The following FANCB variants were observed in gnomAD, a reference collection of about 807,000 sequenced individuals.
FANCB encodes the protein Fanconi anemia group B protein.
Under a neutral mutation model 38.9 loss-of-function variants are expected in FANCB, and 5 were observed. That is an observed-to-expected ratio of 0.13 (90% CI 0.07 to 0.27). The LOEUF is 0.27. Ranked by LOEUF, FANCB falls within the 10% of genes least tolerant of loss-of-function variation. FANCB has a pLI of 1.00. For missense variants in FANCB, 573 were observed against 602.7 expected, an observed-to-expected ratio of 0.95 and a Z score of 0.52; for synonymous variants, 236 against 215.4, an observed-to-expected ratio of 1.10 and a Z score of -0.84.
the FANCB span, among the ~76,000 whole-genome samples, chrX:14,776,913 T>A: frequency 1.8e-5 from 2 of 111,720 alleles, no homozygotes; most frequent in South Asian, 7.5e-4. Flanking sequence ...TGTAAGGCAG[T>A]TGAGGTGTTG....
chrX:14,730,366 C>T, the FANCB span: 12 of 1,209,932 alleles, frequency 9.9e-6, no homozygotes, highest in Non-Finnish European at 1.3e-5. Flanking sequence ...GTTTGTGGAC[C>T]GGGCAAAAAG....
chrX:14,812,856 C>A, the FANCB span, among the ~76,000 whole-genome samples: 2 of 110,008 alleles, frequency 1.8e-5, no homozygotes, highest in East Asian at 2.8e-4. Context: ...GGCAGAGATA[C>A]AACCAAAAAA....
chrX:14,731,088 G>A, the FANCB span: 1 of 111,954 alleles, frequency 8.9e-6, no homozygotes, highest in Non-Finnish European at 1.9e-5. Flanking sequence ...TGTAATTAGT[G>A]TTTCACTTGA....
chrX:14,699,655 G>A, the FANCB span, among the ~76,000 whole-genome samples: 1 of 111,351 alleles, frequency 9.0e-6, no homozygotes, highest in Non-Finnish European at 1.9e-5. Flanking sequence ...TGCAATAGAA[G>A]ACCAGAACTT....
chrX:14,834,601 G>A, downstream of FANCB: 2 of 549,663 alleles, frequency 3.6e-6, no homozygotes, highest in Non-Finnish European at 6.3e-6. Context: ...ATGCTTGCTT[G>A]CATTTTTGCT....
the FANCB span, among the ~76,000 whole-genome samples, chrX:14,695,164 A>G: frequency 1.1e-3 from 118 of 111,773 alleles, 1 homozygote; most frequent in Admixed American, 1.3e-3. Context: ...AGAAACAAAA[A>G]AAAAAGCTCT....
rs769012280 is a variant in FANCB, at chrX:14,861,722, C to A, written c.952-2388G>T. On this transcript the variant is annotated intron_variant, in intron 3 of 9. Coordinates refer to ENST00000650831, the MANE Select transcript of FANCB (RefSeq NM_001018113.3). The stretch of plus-strand genomic sequence containing the variant: ...AAAACCCATCATATTTACTTTTTTG[C>A]CTTAACTGTTAAAACTAAAGGTAAT... 4.5e-5 allele frequency among the ~76,000 whole-genome samples: 5 copies of A among 112,110 alleles called. No individual in the cohort carries two copies. In the East Asian group the frequency reaches 1.4e-3, roughly 31 times the overall value.
At chrX:14,779,062 C>T in the FANCB span, among the ~76,000 whole-genome samples, 1 of 111,682 alleles carries the variant, frequency 9.0e-6, no homozygotes, top group South Asian at 3.7e-4. Flanking sequence ...GTATAAAAGT[C>T]CAACTCCTGT....
chrX:14,853,536 T>C (rs1329097949), intron 5 of FANCB, among the ~76,000 whole-genome samples: 1 of 112,027 alleles, frequency 8.9e-6, no homozygotes, highest in Non-Finnish European at 1.9e-5. Context: ...CTTTTTGAAA[T>C]AGTTTCTGCT....
chrX:14,821,755 T>C, the FANCB span, among the ~76,000 whole-genome samples: 1 of 111,620 alleles, frequency 9.0e-6, no homozygotes, highest in Admixed American at 9.5e-5. Context: ...AGCTGCTAAC[T>C]TAGTGAGAGG....
chrX:14,785,712 C>T, the FANCB span, among the ~76,000 whole-genome samples: 1 of 111,751 alleles, frequency 8.9e-6, no homozygotes, highest in African/African-American at 3.3e-5. Flanking sequence ...GGGAGGCCAG[C>T]ACTTCCCTGG....
At chrX:14,799,672 G>A in the FANCB span, among the ~76,000 whole-genome samples, 1 of 111,697 alleles carries the variant, frequency 9.0e-6, no homozygotes, top group African/African-American at 3.3e-5. Flanking sequence ...GGGAAGTGAG[G>A]AGCACAGTAG....
chrX:14,740,962 A>C, the FANCB span, among the ~76,000 whole-genome samples: 17 of 110,104 alleles, frequency 1.5e-4, no homozygotes, highest in Non-Finnish European at 1.1e-4. Flanking sequence ...AAACACATGC[A>C]CACACACACA....
At chrX:14,834,867 G>A (rs1187275989), downstream of FANCB, 22 of 597,040 alleles carry the variant, frequency 3.7e-5, no homozygotes, top group Admixed American at 5.0e-4. Flanking sequence ...CTTTTTCTGT[G>A]GAAACTTGCT....
rs1244914581 is a variant in FANCB at position 14,857,945 on chromosome X, A to G, written c.1114T>C (p.Ser372Pro). 5.3e-6 allele frequency: 6 copies of G among 1,127,901 alleles called. No individual in the cohort carries two copies. In the South Asian group the frequency reaches 1.1e-4, roughly 21 times the overall value. The allele number at this position is 1,127,901 out of a possible 1,213,427, so 93.0% of individuals were successfully genotyped here. The change falls in exon 5 of 10, where the codon TCA becomes CCA. Residue 372 changes from serine to proline, a missense_variant. By Grantham distance (74) the Ser-to-Pro change is moderately conservative. Coordinates refer to ENST00000650831, the MANE Select transcript of FANCB (RefSeq NM_001018113.3). Reference sequence around the variant, plus strand: ...AATAAGTCATCTTCATTGCAATCTGATGGTTCACTCTAATAAATAAATAAA... The same window carrying G: ...AATAAGTCATCTTCATTGCAATCTGGTGGTTCACTCTAATAAATAAATAAA... ...LGKINYSSEP[S>P]DCNEDDLFED...
the FANCB span, among the ~76,000 whole-genome samples, chrX:14,825,231 T>A: frequency 8.9e-6 from 1 of 112,089 alleles, no homozygotes; most frequent in South Asian, 3.6e-4. Context: ...AACTTGAGTC[T>A]CTGGGTTGAT....
the FANCB span, among the ~76,000 whole-genome samples, chrX:14,739,782 T>G: frequency 8.9e-6 from 1 of 112,322 alleles, no homozygotes; most frequent in Non-Finnish European, 1.9e-5. Flanking sequence ...CTATTTCTAC[T>G]CTGGGTGCAA....
At chrX:14,707,750 C>CA in the FANCB span, among the ~76,000 whole-genome samples, 1 of 73,539 alleles carries the variant, frequency 1.4e-5, no homozygotes, top group Middle Eastern at 6.1e-3. Flanking sequence ...ACTTTGACAG[C>CA]AAAAAAGGTG....
chrX:14,872,312 T>G (rs1257491759), intron 1 of FANCB, among the ~76,000 whole-genome samples: 1 of 112,588 alleles, frequency 8.9e-6, no homozygotes, highest in African/African-American at 3.2e-5. Flanking sequence ...GGACTATTCT[T>G]ACAACTTGTT....
Sources: allele counts gnomAD v4.1 joint callset (sites outside exome capture counted in the v4.1 genomes callset), GRCh38; gene constraint gnomAD v4.1.1; transcripts MANE v1.5; gene names NCBI Gene and HGNC (gene_info 2026-07-23, HGNC 2026-07-21).